Variants in PCA3 observed in about 807,000 individuals in gnomAD.
The protein encoded by PCA3 is Differential Display code 3.
intron 2 of PCA3, among the ~76,000 whole-genome samples, chr9:76,776,681 G>A (rs1445657127): frequency 6.6e-6 from 1 of 151,118 alleles, no homozygotes; most frequent in Non-Finnish European, 1.5e-5. Flanking sequence ...TGCCTAGCTA[G>A]TATTTCTAGT....
intron 2 of PCA3, among the ~76,000 whole-genome samples, chr9:76,776,549 T>G (rs546915328): frequency 4.7e-5 from 5 of 105,340 alleles, no homozygotes; most frequent in Middle Eastern, 4.1e-3. Context: ...TGAGTCTCGC[T>G]CTGTTGCCCA....
At chr9:76,773,729 C>A (rs747705155) in intron 2 of PCA3, among the ~76,000 whole-genome samples, 2 of 152,168 alleles carry the variant, frequency 1.3e-5, no homozygotes, top group Non-Finnish European at 2.9e-5. Flanking sequence ...CAGGCGTGAG[C>A]CACCGCACCC....
intron 2 of PCA3, among the ~76,000 whole-genome samples, chr9:76,777,087 A>G (rs1346652364): frequency 2.6e-5 from 4 of 151,946 alleles, no homozygotes; most frequent in African/African-American, 4.8e-5. Context: ...CCCCTGCCCC[A>G]TAGCCCTTGA....
At chr9:76,787,210 G>C (rs1425501393) in intron 2 of PCA3, 2 of 149,674 alleles carry the variant, frequency 1.3e-5, no homozygotes, top group Non-Finnish European at 3.0e-5. Context: ...TATCAACTTT[G>C]ATTCTTTGTT....
chr9:76,777,592 G>T (rs1589169756), intron 2 of PCA3, among the ~76,000 whole-genome samples: 1 of 152,176 alleles, frequency 6.6e-6, no homozygotes, highest in South Asian at 2.1e-4. Flanking sequence ...GCATTCTTGG[G>T]GATACAGTAT....
intron 2 of PCA3, among the ~76,000 whole-genome samples, chr9:76,773,370 T>G (rs936460889): frequency 6.6e-6 from 1 of 152,164 alleles, no homozygotes; most frequent in Admixed American, 6.6e-5. Flanking sequence ...AATCTTTTCT[T>G]TATTCATGTT....
intron 2 of PCA3, among the ~76,000 whole-genome samples, chr9:76,776,761 C>T (rs1411969571): frequency 6.6e-6 from 1 of 151,524 alleles, no homozygotes; most frequent in African/African-American, 2.4e-5. Flanking sequence ...ATGATCCACC[C>T]ACCTCAGCCT....
At chr9:76,764,901 C>T (rs937006642) in intron 2 of PCA3, among the ~76,000 whole-genome samples, 2 of 152,204 alleles carry the variant, frequency 1.3e-5, no homozygotes, top group East Asian at 1.9e-4. Flanking sequence ...ATGTCTACAA[C>T]AGACTCTGGC....
At chr9:76,784,529 C>G (rs940273692) in intron 2 of PCA3, 1 of 152,228 alleles carries the variant, frequency 6.6e-6, no homozygotes, top group African/African-American at 2.4e-5. Context: ...AATATCTGAT[C>G]TCTACGGTTC....
chr9:76,774,856 A>AT (rs1429975899), intron 2 of PCA3, among the ~76,000 whole-genome samples: 1 of 152,206 alleles, frequency 6.6e-6, no homozygotes, highest in Non-Finnish European at 1.5e-5. Context: ...AAGATTGTAG[A>AT]TTTTAGAGAC....
intron 2 of PCA3, chr9:76,786,726 T>C (rs1451628038): frequency 2.6e-5 from 4 of 152,222 alleles, no homozygotes; most frequent in Non-Finnish European, 5.9e-5. Context: ...ATGCTGCCTA[T>C]GGGCTATATT....
At chr9:76,775,001 A>G (rs557047588) in intron 2 of PCA3, among the ~76,000 whole-genome samples, 1 of 152,342 alleles carries the variant, frequency 6.6e-6, no homozygotes, top group African/African-American at 2.4e-5. Flanking sequence ...AATAATTTAC[A>G]TAAAGTTCTG....
At chr9:76,778,799 G>A (rs148619831) in intron 2 of PCA3, 56 of 152,272 alleles carry the variant, frequency 3.7e-4, no homozygotes, top group African/African-American at 1.2e-3. Flanking sequence ...ACTGAGAAAT[G>A]GCATAACACC....
At chr9:76,775,063 A>T (rs1252766584) in intron 2 of PCA3, among the ~76,000 whole-genome samples, 1 of 144,196 alleles carries the variant, frequency 6.9e-6, no homozygotes, top group African/African-American at 2.6e-5. Flanking sequence ...TCAAGTCCCA[A>T]AGAAGAAAAA....
chr9:76,768,885 A>G (rs1332905066), intron 2 of PCA3, among the ~76,000 whole-genome samples: 1 of 152,194 alleles, frequency 6.6e-6, no homozygotes, highest in Non-Finnish European at 1.5e-5. Context: ...CATAATTCCT[A>G]CCACCAAAAA....
At chr9:76,777,377 AGGAGCACT>A (rs907666437) in intron 2 of PCA3, among the ~76,000 whole-genome samples, 3 of 152,336 alleles carry the variant, frequency 2.0e-5, no homozygotes, top group African/African-American at 7.2e-5. Flanking sequence ...CGAAGTAAGC[AGGAGCACT>A]GGCCAGCCAT....
At chr9:76,780,670 G>A (rs112902959) in intron 2 of PCA3, among the ~76,000 whole-genome samples, 11 of 152,182 alleles carry the variant, frequency 7.2e-5, no homozygotes, top group Admixed American at 4.6e-4. Flanking sequence ...CAGCCTGGGC[G>A]ACAGAGCAAG....
chr9:76,773,598 C>T (rs758131105), intron 2 of PCA3, among the ~76,000 whole-genome samples: 1 of 152,130 alleles, frequency 6.6e-6, no homozygotes, highest in Non-Finnish European at 1.5e-5. Flanking sequence ...CACCTGCCAG[C>T]AAGCCAGGCT....
At chr9:76,780,731 A>C (rs188659654) in intron 2 of PCA3, among the ~76,000 whole-genome samples, 1 of 152,192 alleles carries the variant, frequency 6.6e-6, no homozygotes, top group Admixed American at 6.5e-5. Context: ...ACAAGCAGCA[A>C]GAGGGTTTTG....
Sources: allele counts gnomAD v4.1 joint callset (sites outside exome capture counted in the v4.1 genomes callset), GRCh38; gene constraint gnomAD v4.1.1; transcripts MANE v1.5; gene names NCBI Gene and HGNC (gene_info 2026-07-23, HGNC 2026-07-21).